The following APBA2 variants were observed in gnomAD, a reference collection of about 807,000 sequenced individuals.
The protein encoded by APBA2 is amyloid beta precursor protein binding family A member 2.
Under a neutral mutation model 75.0 loss-of-function variants are expected in APBA2, and 30 were observed. That is an observed-to-expected ratio of 0.40 (90% CI 0.30 to 0.54). The LOEUF (loss-of-function observed/expected upper bound fraction) is 0.54. Ranked by LOEUF, APBA2 falls within the 20% of genes least tolerant of loss-of-function variation. APBA2 has a pLI of 0.49. For synonymous variants in APBA2, 444 were observed against 409.6 expected (o/e 1.08, Z -1.01); for missense variants, 801 against 1,016.1 (o/e 0.79, Z 2.88).
chr15:29,093,583 G>A (rs1048035057), intron 7 of APBA2, among the ~76,000 whole-genome samples: 5 of 152,202 alleles, frequency 3.3e-5, no homozygotes, highest in Non-Finnish European at 2.9e-5. Context: ...AATAAATCAC[G>A]TTTTATTTAA....
chr15:28,947,535 G>C (rs2035613769), intron 2 of APBA2, among the ~76,000 whole-genome samples: 1 of 152,206 alleles, frequency 6.6e-6, no homozygotes, highest in South Asian at 2.1e-4. Context: ...TGAGGTGGCT[G>C]TGCTCAGGCC....
chr15:29,001,691 A>ACTATTTGCTT (rs2152802422), intron 3 of APBA2, among the ~76,000 whole-genome samples: 1 of 152,336 alleles, frequency 6.6e-6, no homozygotes, highest in Non-Finnish European at 1.5e-5. Context: ...GCTGGCTGTT[A>ACTATTTGCTT]CTATTTGCTT....
intron 3 of APBA2, among the ~76,000 whole-genome samples, chr15:29,045,768 C>T (rs1312399690): frequency 6.6e-6 from 1 of 152,144 alleles, no homozygotes; most frequent in Non-Finnish European, 1.5e-5. Context: ...AGTGGGCATC[C>T]ATTCCTCTCT....
At chr15:29,108,441 A>G (rs1403217231) in intron 13 of APBA2, 52 bp downstream of exon 13, 2 of 1,612,814 alleles carry the variant, frequency 1.2e-6, no homozygotes, top group Non-Finnish European at 1.7e-6. Context: ...GGGCCCAGGG[A>G]GGGGGAGCAG....
chr15:28,898,555 T>C (rs1169614858), intron 1 of APBA2, among the ~76,000 whole-genome samples: 2 of 152,176 alleles, frequency 1.3e-5, no homozygotes, highest in Non-Finnish European at 2.9e-5. Flanking sequence ...CAGGTTGCCT[T>C]CGGGAGATGG....
chr15:28,897,014 T>C (rs1443143311), intron 1 of APBA2, among the ~76,000 whole-genome samples: 1 of 152,116 alleles, frequency 6.6e-6, no homozygotes, highest in Non-Finnish European at 1.5e-5. Flanking sequence ...ACCTGATTGC[T>C]TGGACACAAC....
rs142768271 is a variant in APBA2 at position 28,895,300 on chromosome 15, C to G, written c.-205+9022C>G. On this transcript the variant is annotated intron_variant, in intron 1 of 14. Transcript: ENST00000683413. The stretch of plus-strand genomic sequence containing the variant: ...TGGCTGGCCTCAGCCTGGCTGGGCA[C>G]GCAGGCTGTCCTTACGGGGCTCCCA... Among the ~76,000 whole-genome samples the G allele has an allele frequency of 9.4e-3, 1,428 of 152,254 alleles. 13 individuals are homozygous for G. Among genetic ancestry groups the G allele is most frequent in the Non-Finnish European group, 0.013 (918 of 68,008 alleles).
rs2043123278 is a variant in APBA2, at chr15:29,082,409, G to A, written c.1069+6318G>A. Among the ~76,000 whole-genome samples the A allele has an allele frequency of 2.0e-5, 3 of 152,126 alleles. No homozygotes were observed. In the South Asian group the frequency reaches 6.2e-4, roughly 32 times the overall value. On this transcript the variant is annotated intron_variant, in intron 6 of 14. Coordinates refer to ENST00000683413, the MANE Select transcript of APBA2 (RefSeq NM_001353788.2). ...ACACTTCAGATCGATTGTCTTAGCAGATTACTAGTATACAATACAGGATTA... is the reference window on the plus strand; with the variant it reads ...ACACTTCAGATCGATTGTCTTAGCAAATTACTAGTATACAATACAGGATTA...
At chr15:28,914,405 T>C (rs1252684317) in intron 1 of APBA2, among the ~76,000 whole-genome samples, 2 of 152,174 alleles carry the variant, frequency 1.3e-5, no homozygotes, top group Admixed American at 6.5e-5. Flanking sequence ...GATTCAGAAT[T>C]GCAGAAGTTT....
chr15:28,983,390 A>G (rs1330935862), intron 2 of APBA2, among the ~76,000 whole-genome samples: 1 of 152,142 alleles, frequency 6.6e-6, no homozygotes, highest in African/African-American at 2.4e-5. Context: ...TTTGGTTTTG[A>G]CAAGGAGGAC....
intron 8 of APBA2, among the ~76,000 whole-genome samples, chr15:29,097,876 G>A (rs555206645): frequency 2.0e-5 from 3 of 152,136 alleles, no homozygotes; most frequent in African/African-American, 7.2e-5. Flanking sequence ...ATCGACATTT[G>A]TAGCTTCCAC....
intron 12 of APBA2, 134 bp from the exon 13 acceptor site, chr15:29,108,134 TGA>T: frequency 1.5e-6 from 2 of 1,297,198 alleles, no homozygotes; most frequent in East Asian, 2.4e-5. Context: ...CTACCGAGGC[TGA>T]GAGGGGACTG....
chr15:29,027,789 G>T (rs1050747879), intron 3 of APBA2, among the ~76,000 whole-genome samples: 3 of 151,872 alleles, frequency 2.0e-5, no homozygotes, highest in Non-Finnish European at 4.4e-5. Flanking sequence ...TTTTCGTAGA[G>T]ATGGGGTTTC....
intron 9 of APBA2, among the ~76,000 whole-genome samples, chr15:29,100,766 A>G (rs191084672): frequency 7.4e-4 from 113 of 152,338 alleles, no homozygotes; most frequent in African/African-American, 2.6e-3. Context: ...CACCTCGTTC[A>G]GAAGGGACCC....
intron 2 of APBA2, among the ~76,000 whole-genome samples, chr15:28,955,746 TC>T (rs2036131726): frequency 2.1e-5 from 3 of 144,820 alleles, no homozygotes; most frequent in Admixed American, 6.6e-5. Context: ...TCATCAAAGC[TC>T]CTCCCAGGTG....
At chr15:29,075,413 T>A (rs1363549165) in intron 5 of APBA2, among the ~76,000 whole-genome samples, 17 of 152,148 alleles carry the variant, frequency 1.1e-4, no homozygotes, top group Non-Finnish European at 1.5e-5. Flanking sequence ...GACTGTCCTG[T>A]GTATTGTAGT....
chr15:29,092,706 G>A (rs1331785045), intron 6 of APBA2, among the ~76,000 whole-genome samples: 2 of 152,190 alleles, frequency 1.3e-5, no homozygotes, highest in African/African-American at 4.8e-5. Context: ...CAGGTCACCA[G>A]CATGAGTTCC....
At chr15:28,950,163 G>A (rs1199957693) in intron 2 of APBA2, among the ~76,000 whole-genome samples, 10 of 152,118 alleles carry the variant, frequency 6.6e-5, no homozygotes, top group African/African-American at 2.2e-4. Flanking sequence ...TTTATCTGCT[G>A]TTCTTCTCAT....
Position 28,909,799 on chromosome 15 carries a change from G to T in APBA2, c.-204-11841G>T, listed in dbSNP as rs976707350. On this transcript the variant is annotated intron_variant, in intron 1 of 14. Coordinates refer to ENST00000683413, the MANE Select transcript of APBA2 (RefSeq NM_001353788.2). Reference sequence around the variant, plus strand: ...AAAAGAGCCTGTATCCATCCTGAAGGCCGTGTGACCACAGGGCTTCTAAAG... The same window carrying T: ...AAAAGAGCCTGTATCCATCCTGAAGTCCGTGTGACCACAGGGCTTCTAAAG... 9.2e-5 allele frequency among the ~76,000 whole-genome samples: 14 copies of T among 152,206 alleles called. 1 individual carries two copies. The highest frequency in any genetic ancestry group is 2.9e-4 in the African/African-American group (12 of 41,452).
Sources: gnomAD v4.1 joint callset for allele counts (sites outside exome capture counted in the v4.1 genomes callset) on GRCh38, gnomAD v4.1.1 for gene constraint, MANE v1.5 for transcripts, NCBI Gene and HGNC (gene_info 2026-07-23, HGNC 2026-07-21) for gene names.